The following HIRA variants were observed in gnomAD, a reference collection of about 807,000 sequenced individuals.
HIRA encodes histone cell cycle regulator, also known as protein HIRA.
In HIRA, 13 loss-of-function variants were observed where a neutral mutation model predicts 126.6. The observed-to-expected ratio is 0.10, with a 90% confidence interval of 0.07 to 0.16. The LOEUF (loss-of-function observed/expected upper bound fraction) is 0.16, where lower values mean the gene tolerates loss of function less well. HIRA is among the 10% of genes least tolerant of loss of function. HIRA has a pLI of 1.00. For synonymous variants in HIRA, 511 were observed against 520.0 expected (o/e 0.98, Z 0.24); for missense variants, 834 against 1,314.4 (o/e 0.63, Z 5.65).
chr22:19,344,045 T>C (rs531703919), intron 24 of HIRA, among the ~76,000 whole-genome samples: 1 of 151,776 alleles, frequency 6.6e-6, no homozygotes, highest in Non-Finnish European at 1.5e-5. Flanking sequence ...GTGAGACAAA[T>C]GAAAATGAAA....
intron 8 of HIRA, among the ~76,000 whole-genome samples, chr22:19,394,117 G>C (rs765770001): frequency 6.6e-6 from 1 of 152,328 alleles, no homozygotes; most frequent in South Asian, 2.1e-4. Context: ...GGCACCCCAA[G>C]CATACCTGAG....
chr22:19,424,832 A>G (rs2089476696), intron 1 of HIRA, among the ~76,000 whole-genome samples: 1 of 152,188 alleles, frequency 6.6e-6, no homozygotes, highest in Non-Finnish European at 1.5e-5. Context: ...TCTATCGTAT[A>G]TAACAAGTCC....
intron 23 of HIRA, among the ~76,000 whole-genome samples, chr22:19,353,090 T>C (rs2146189265): frequency 6.6e-6 from 1 of 152,356 alleles, no homozygotes; most frequent in South Asian, 2.1e-4. Flanking sequence ...CTTCAGACCA[T>C]GTCTTTCCAC....
intron 14 of HIRA, 54 bp from the exon 15 acceptor site, chr22:19,375,846 G>C: frequency 6.3e-7 from 1 of 1,578,678 alleles, no homozygotes; most frequent in Admixed American, 1.7e-5. Context: ...AGGATCTGGA[G>C]GTCTAGTATT....
At chr22:19,407,332 T>C in intron 3 of HIRA, 58 bp from the exon 4 acceptor site, 3 of 1,387,550 alleles carry the variant, frequency 2.2e-6, no homozygotes, top group South Asian at 2.3e-5. Context: ...ATTTGCTTTA[T>C]GTAGAGTTTG....
At chr22:19,411,422 G>A (rs5748188) in intron 1 of HIRA, among the ~76,000 whole-genome samples, 1 of 152,146 alleles carries the variant, frequency 6.6e-6, no homozygotes, top group Non-Finnish European at 1.5e-5. Context: ...ATCCCATGAA[G>A]CTAGCTGGCT....
chr22:19,371,438 GTTTT>G (rs888919167), intron 15 of HIRA, among the ~76,000 whole-genome samples: 6 of 150,718 alleles, frequency 4.0e-5, no homozygotes, highest in Admixed American at 3.3e-4. Context: ...TCCAAATCTG[GTTTT>G]TTTTTGATAG....
intron 11 of HIRA, among the ~76,000 whole-genome samples, chr22:19,386,805 T>G (rs1312558975): frequency 6.6e-6 from 1 of 152,220 alleles, no homozygotes; most frequent in Non-Finnish European, 1.5e-5. Context: ...GAGGAGGACC[T>G]GAGGCCTCTG....
At chr22:19,350,648 G>A (rs1556010562) in intron 24 of HIRA, among the ~76,000 whole-genome samples, 1 of 151,900 alleles carries the variant, frequency 6.6e-6, no homozygotes, top group African/African-American at 2.4e-5. Flanking sequence ...CTCCCTGACT[G>A]TTTTTCTATT....
intron 24 of HIRA, among the ~76,000 whole-genome samples, chr22:19,335,475 C>G (rs1189909295): frequency 6.6e-6 from 1 of 152,126 alleles, no homozygotes; most frequent in African/African-American, 2.4e-5. Context: ...GAACTCCTGG[C>G]CTCAAGTGAT....
At chr22:19,380,807 A>T (rs2089066036) in intron 13 of HIRA, among the ~76,000 whole-genome samples, 1 of 152,158 alleles carries the variant, frequency 6.6e-6, no homozygotes, top group Non-Finnish European at 1.5e-5. Context: ...TATTTTTAGT[A>T]GGGACGGGGT....
chr22:19,417,260 G>A (rs2089406446), intron 1 of HIRA, among the ~76,000 whole-genome samples: 2 of 152,088 alleles, frequency 1.3e-5, no homozygotes, highest in South Asian at 4.1e-4. Context: ...ATGAAAAGAT[G>A]TCAACATCAG....
intron 1 of HIRA, among the ~76,000 whole-genome samples, chr22:19,428,684 C>T (rs936284289): frequency 3.3e-5 from 5 of 152,214 alleles, no homozygotes; most frequent in South Asian, 2.1e-4. Flanking sequence ...CAGTGGCTCA[C>T]GCCTGTAGTC....
chr22:19,387,735 G>A lies in HIRA; in HGVS notation c.1089C>T (p.Gly363=), dbSNP rs138648053. The A allele has an allele frequency of 2.6e-5, 42 of 1,613,628 alleles. No individual in the cohort carries two copies. The highest frequency in any genetic ancestry group is 2.3e-4 in the African/African-American group (17 of 74,898). ...AFLDFSQDEL[G]DPLSEEEKSR... ...CCTTCTCCTCCTCGCTCAGGGGATC[G>A]CCAAGCTCATCCTGGGAGAAGTCGA... The change falls in exon 11 of 25, where the codon GGC becomes GGT. Residue 363 remains glycine, a synonymous_variant. Transcript: ENST00000263208.
intron 13 of HIRA, 113 bp from the exon 14 acceptor site, chr22:19,378,179 A>G: frequency 1.5e-6 from 1 of 688,724 alleles, no homozygotes; most frequent in South Asian, 3.6e-5. Flanking sequence ...TTCATGATAG[A>G]AAATCTGCAA....
intron 1 of HIRA, among the ~76,000 whole-genome samples, chr22:19,422,088 T>A (rs1468469248): frequency 6.6e-6 from 1 of 151,930 alleles, no homozygotes; most frequent in Non-Finnish European, 1.5e-5. Flanking sequence ...GGTTACAAAG[T>A]ACATTAACTT....
At position 19,382,038 on chromosome 22, in the gene HIRA, C is replaced by G. The variant is rs573700801; in HGVS notation, c.1415+1582G>C. On this transcript the variant is annotated intron_variant, in intron 13 of 24. Transcript: ENST00000263208. ...AGAGTTCAGCAAAGAAGTCTCTCAT[C>G]TTTTTGATTTGTCTATTATTTCTCA... Among the ~76,000 whole-genome samples, 3 of 152,300 alleles carry G rather than the reference C, an allele frequency of 2.0e-5. No homozygotes were observed. The South Asian group carries it at 6.2e-4, about 32-fold the overall frequency.
intron 5 of HIRA, among the ~76,000 whole-genome samples, chr22:19,399,802 A>G (rs1218587693): frequency 6.6e-6 from 1 of 152,196 alleles, no homozygotes; most frequent in African/African-American, 2.4e-5. Flanking sequence ...TTTTAATTAG[A>G]TTATTAGTGA....
At chr22:19,394,943 C>G (rs9617790) in intron 7 of HIRA, among the ~76,000 whole-genome samples, 10,908 of 152,286 alleles carry the variant, frequency 0.072, 441 homozygotes, top group Middle Eastern at 0.17. Context: ...AACCCAGGAG[C>G]CTGGCAGAAG....
Sources: gnomAD v4.1 joint callset for allele counts (sites outside exome capture counted in the v4.1 genomes callset) on GRCh38, gnomAD v4.1.1 for gene constraint, MANE v1.5 for transcripts, NCBI Gene and HGNC (gene_info 2026-07-23, HGNC 2026-07-21) for gene names.